The following STYXL1 variants were observed in gnomAD, a reference collection of about 807,000 sequenced individuals.
STYXL1 encodes the protein serine/threonine/tyrosine interacting like 1.
Under a neutral mutation model 36.4 loss-of-function variants are expected in STYXL1, and 32 were observed. That is an observed-to-expected ratio of 0.88 (90% CI 0.66 to 1.18). The LOEUF (loss-of-function observed/expected upper bound fraction) is 1.18. Ranked by LOEUF, STYXL1 falls within the 50% of genes most tolerant of loss-of-function variation. STYXL1 has a pLI of 0.00. For missense variants in STYXL1, 354 were observed against 394.1 expected (o/e 0.90, Z 0.86); for synonymous variants, 133 against 144.1 (o/e 0.92, Z 0.55).
At chr7:76,018,954 T>A (rs1554574981) in intron 4 of STYXL1, among the ~76,000 whole-genome samples, 1 of 152,242 alleles carries the variant, frequency 6.6e-6, no homozygotes, top group Non-Finnish European at 1.5e-5. Flanking sequence ...TGTATGAGGC[T>A]TCCAATTTCT....
intron 4 of STYXL1, among the ~76,000 whole-genome samples, chr7:76,015,485 C>T (rs2115846343): frequency 6.6e-6 from 1 of 152,234 alleles, no homozygotes; most frequent in African/African-American, 2.4e-5. Context: ...GCTAAGTCCT[C>T]CAAAGCAATT....
intron 4 of STYXL1, among the ~76,000 whole-genome samples, chr7:76,020,680 T>C (rs1456393424): frequency 6.6e-6 from 1 of 152,076 alleles, no homozygotes; most frequent in Non-Finnish European, 1.5e-5. Flanking sequence ...TTACAAAAAG[T>C]AAATAAATGA....
chr7:75,997,812 A>G (rs1790322387), intron 8 of STYXL1, among the ~76,000 whole-genome samples: 1 of 152,186 alleles, frequency 6.6e-6, no homozygotes, highest in Non-Finnish European at 1.5e-5. Flanking sequence ...ATGTCTATAT[A>G]CTAAACAATT....
chr7:76,003,964 G>C, intron 6 of STYXL1, 109 bp from the exon 7 acceptor site: 1 of 938,518 alleles, frequency 1.1e-6, no homozygotes, highest in Admixed American at 2.1e-5. Flanking sequence ...CTGAGCTTGT[G>C]TAAGGGGGAA....
At chr7:76,041,262 T>C (rs556733043) in intron 1 of STYXL1, among the ~76,000 whole-genome samples, 1 of 152,064 alleles carries the variant, frequency 6.6e-6, no homozygotes, top group South Asian at 2.1e-4. Flanking sequence ...TAGGTTAGTA[T>C]ATAATGTGTG....
At chr7:76,025,240 G>T (rs1175643226) in intron 3 of STYXL1, among the ~76,000 whole-genome samples, 1 of 148,808 alleles carries the variant, frequency 6.7e-6, no homozygotes, top group Non-Finnish European at 1.5e-5. Flanking sequence ...GAGAGGGAAG[G>T]CAAGAGCCAA....
rs1025992058 is a variant in STYXL1 at position 76,016,357 on chromosome 7, C to T, written c.308-2470G>A. 1.2e-4 allele frequency among the ~76,000 whole-genome samples: 18 copies of T among 149,158 alleles called. No individual in the cohort carries two copies. The East Asian group carries it at 2.7e-3, about 23-fold the overall frequency. On this transcript the variant is annotated intron_variant, in intron 4 of 8. Transcript: ENST00000359697. ...GTGTATATATACACGTATATCTATA[C>T]GTATGTGTGCACATATATAGCGTAT...
At chr7:76,036,782 C>CTT (rs71082378) in intron 1 of STYXL1, among the ~76,000 whole-genome samples, 1,328 of 101,574 alleles carry the variant, frequency 0.013, 114 homozygotes, top group Non-Finnish European at 0.017. Context: ...CAGTATAGCT[C>CTT]TTTTTTTTTT....
Position 76,042,466 on chromosome 7 carries a change from G to A in STYXL1, c.-5+5196C>T, listed in dbSNP as rs575627338. Among the ~76,000 whole-genome samples, 19 of 130,098 alleles carry A rather than the reference G, an allele frequency of 1.5e-4. No homozygotes were observed. In the South Asian group the frequency reaches 3.6e-3, roughly 25 times the overall value. The allele number at this position is 130,098 out of a possible 152,430, so 85.3% of individuals were successfully genotyped here. A position where few individuals can be genotyped will look rare whatever the true frequency, so the allele number is the denominator to read the frequency against. On this transcript the variant is annotated intron_variant, in intron 1 of 8. Coordinates refer to ENST00000359697, the MANE Select transcript of STYXL1 (RefSeq NM_001317785.2). ...GTCACCCAGGCTGGAGTACAGCGGC[G>A]CGATCTCAGCTCACTGCAACCCTGC... is the stretch of plus-strand genomic sequence containing the variant.
At chr7:76,046,317 TGTGTGTGTGTGTGTGTGTGTGTGC>T (rs1161653941) in intron 1 of STYXL1, among the ~76,000 whole-genome samples, 4,547 of 43,780 alleles carry the variant, frequency 0.1, 216 homozygotes, top group Middle Eastern at 0.14. Context: ...TGTGTGTGTG[TGTGTGTGTGTGTGTGTGTGTGTGC>T]GCGCGCGCGC....
At chr7:75,998,390 T>C (rs781799281) in intron 8 of STYXL1, among the ~76,000 whole-genome samples, 1 of 151,878 alleles carries the variant, frequency 6.6e-6, no homozygotes, top group Non-Finnish European at 1.5e-5. Context: ...CTCCGCCTCC[T>C]GGGTTCAAGT....
intron 4 of STYXL1, among the ~76,000 whole-genome samples, chr7:76,014,342 C>T (rs1463362260): frequency 1.3e-5 from 2 of 151,196 alleles, no homozygotes; most frequent in Non-Finnish European, 2.9e-5. Context: ...TTAAAAGTAG[C>T]TTACCACCGG....
intron 5 of STYXL1, among the ~76,000 whole-genome samples, chr7:76,011,977 A>G (rs990022868): frequency 2.6e-5 from 4 of 152,376 alleles, no homozygotes; most frequent in African/African-American, 9.6e-5. Context: ...GTGATGGACA[A>G]AGGGGTTTAA....
At position 76,022,123 on chromosome 7, in the gene STYXL1, C is replaced by T. The variant is rs563811395; in HGVS notation, c.166-131G>A. On this transcript the variant is annotated intron_variant, in intron 3 of 8. Coordinates refer to ENST00000359697, the MANE Select transcript of STYXL1 (RefSeq NM_001317785.2). The stretch of plus-strand genomic sequence containing the variant: ...CTCTCCCCTGACTATACACACAGGC[C>T]CAGAAGCACTGAGACAGTGGATGGA... 7.2e-4 allele frequency: 1,056 copies of T among 1,470,098 alleles called. 2 individuals are homozygous for T. The highest frequency in any genetic ancestry group is 8.8e-4 in the Non-Finnish European group (987 of 1,118,240). The allele number at this position is 1,470,098 out of a possible 1,614,324, so 91.1% of individuals were successfully genotyped here. A position where few individuals can be genotyped will look rare whatever the true frequency, so the allele number is the denominator to read the frequency against.
chr7:76,001,967 T>C (rs980587691), intron 7 of STYXL1, among the ~76,000 whole-genome samples: 3 of 151,096 alleles, frequency 2.0e-5, no homozygotes, highest in Non-Finnish European at 4.4e-5. Flanking sequence ...TTTTAGAGAC[T>C]GGGTCTTGCT....
At chr7:76,037,685 C>G (rs1317941762) in intron 1 of STYXL1, among the ~76,000 whole-genome samples, 1 of 149,830 alleles carries the variant, frequency 6.7e-6, no homozygotes, top group African/African-American at 2.4e-5. Flanking sequence ...CAGCGCTCAA[C>G]TGCCAAGCCA....
At chr7:76,046,312 G>C (rs1009111788) in intron 1 of STYXL1, among the ~76,000 whole-genome samples, 1 of 78,380 alleles carries the variant, frequency 1.3e-5, no homozygotes, top group African/African-American at 4.9e-5. Context: ...GTGTGTGTGT[G>C]TGTGTGTGTG....
chr7:76,010,963 C>A (rs1554572044), intron 5 of STYXL1, among the ~76,000 whole-genome samples: 1 of 152,162 alleles, frequency 6.6e-6, no homozygotes, highest in East Asian at 1.9e-4. Context: ...GCCTATAATT[C>A]CAGTACTTTG....
chr7:76,010,314 A>T (rs1214300952), intron 5 of STYXL1, among the ~76,000 whole-genome samples: 1 of 152,146 alleles, frequency 6.6e-6, no homozygotes, highest in East Asian at 1.9e-4. Flanking sequence ...CAGTGCTGTT[A>T]TCTCAGTGGA....
Sources: gnomAD v4.1 joint callset for allele counts (sites outside exome capture counted in the v4.1 genomes callset) on GRCh38, gnomAD v4.1.1 for gene constraint, MANE v1.5 for transcripts, NCBI Gene and HGNC (gene_info 2026-07-23, HGNC 2026-07-21) for gene names.